ATAD2B: variants seen among roughly 807,000 people sequenced by gnomAD.
The protein encoded by ATAD2B is ATPase family AAA domain-containing protein 2B.
ATAD2B carries 40 observed loss-of-function variants against 167.6 expected under a neutral mutation model. The ratio of observed to expected loss-of-function variants is 0.24; its 90% confidence interval spans 0.19 to 0.31. The LOEUF (loss-of-function observed/expected upper bound fraction) is 0.31. ATAD2B is among the 10% of genes least tolerant of loss of function. The probability of loss-of-function intolerance (pLI) is 1.00; values close to 1 mark genes in which losing one functional copy is unlikely to be tolerated. For synonymous variants in ATAD2B, 579 were observed against 596.5 expected (o/e 0.97, Z 0.43); for missense variants, 1,242 against 1,757.2 (o/e 0.71, Z 5.24).
Position 23,887,818 on chromosome 2 carries a change from C to G in ATAD2B, c.572+14G>C. 1.3e-6 allele frequency: 2 copies of G among 1,562,722 alleles called. No individual in the cohort carries two copies. The highest frequency in any genetic ancestry group is 1.7e-6 in the Non-Finnish European group (2 of 1,159,614). On this transcript the variant is annotated intron_variant, in intron 4 of 27. Coordinates refer to ENST00000238789, the MANE Select transcript of ATAD2B (RefSeq NM_017552.4). ...AATAATTAAATGAAACTGCTTAATACTTGGCATTCATACCTATTTACTAGT... is the reference window on the plus strand; with the variant it reads ...AATAATTAAATGAAACTGCTTAATAGTTGGCATTCATACCTATTTACTAGT...
In ATAD2B at chr2:23,813,255, CAT is replaced by C. The variant is rs574618770; in HGVS notation, c.2268-2755_2268-2754del. ...CATATACAATGAAATAATTTATATG[CAT>C]ATGTTTATAAAAATTATATGAATTA... On this transcript the variant is annotated intron_variant, in intron 17 of 27. Transcript: ENST00000238789. Among the ~76,000 whole-genome samples, 301 of 150,032 alleles carry C rather than the reference CAT, an allele frequency of 2.0e-3. 3 individuals are homozygous for C. The highest frequency in any genetic ancestry group is 6.1e-3 in the African/African-American group (248 of 40,930).
At chr2:23,886,183 C>T (rs962855186) in intron 4 of ATAD2B, among the ~76,000 whole-genome samples, 3 of 152,032 alleles carry the variant, frequency 2.0e-5, no homozygotes, top group South Asian at 2.1e-4. Context: ...TGGGCTCAAG[C>T]GATTCATTCA....
chr2:23,711,645 AC>A, the ATAD2B span, among the ~76,000 whole-genome samples: 1 of 152,088 alleles, frequency 6.6e-6, no homozygotes, highest in Non-Finnish European at 1.5e-5. Context: ...TGCTGGGATT[AC>A]AGGAGTGAGC....
At chr2:23,759,743 T>C (rs1319917594) in intron 24 of ATAD2B, among the ~76,000 whole-genome samples, 2 of 152,196 alleles carry the variant, frequency 1.3e-5, no homozygotes, top group Non-Finnish European at 2.9e-5. Context: ...AGTTACAGGG[T>C]AATTAGCATA....
rs536045603 is a variant in ATAD2B, at chr2:23,863,279, C to T, written c.1479+102G>A. 60 of 1,200,684 alleles carry T rather than the reference C, an allele frequency of 5.0e-5. No individual in the cohort carries two copies. In the African/African-American group the frequency reaches 9.1e-4, roughly 18 times the overall value. 74.4% of individuals were successfully genotyped at this position (1,200,684 alleles called of 1,614,324 possible). A position where few individuals can be genotyped will look rare whatever the true frequency, so the allele number is the denominator to read the frequency against. On this transcript the variant is annotated intron_variant, in intron 12 of 27. Coordinates refer to ENST00000238789, the MANE Select transcript of ATAD2B (RefSeq NM_017552.4). ...AGACGAGATCACGCTATTGCACTCA[C>T]TCCAGCCTGGGTAACAGAGAGAGGC...
intron 22 of ATAD2B, among the ~76,000 whole-genome samples, chr2:23,773,091 G>A (rs1456403143): frequency 6.6e-6 from 1 of 152,118 alleles, no homozygotes; most frequent in Admixed American, 6.5e-5. Context: ...TTCAATCATT[G>A]TTTAGAAGAT....
intron 10 of ATAD2B, among the ~76,000 whole-genome samples, chr2:23,867,309 A>G (rs1695281025): frequency 6.6e-6 from 1 of 152,134 alleles, no homozygotes; most frequent in African/African-American, 2.4e-5. Context: ...CTCAAGTTGT[A>G]CCTTTCTCTT....
intron 13 of ATAD2B, among the ~76,000 whole-genome samples, chr2:23,834,579 T>C (rs982229701): frequency 6.8e-5 from 5 of 73,490 alleles, no homozygotes; most frequent in Non-Finnish European, 1.6e-4. Flanking sequence ...CACCTAAACC[T>C]TGGCAACCAA....
At chr2:23,797,723 T>C (rs1682840629) in intron 19 of ATAD2B, among the ~76,000 whole-genome samples, 1 of 152,154 alleles carries the variant, frequency 6.6e-6, no homozygotes, top group Non-Finnish European at 1.5e-5. Flanking sequence ...ACACATAACC[T>C]GAAGGTAATT....
At chr2:23,883,247 T>C (rs951750777) in intron 6 of ATAD2B, among the ~76,000 whole-genome samples, 63 of 127,596 alleles carry the variant, frequency 4.9e-4, no homozygotes, top group Middle Eastern at 5.6e-3. Context: ...GACAATGTGC[T>C]CCAGCCTGGG....
the ATAD2B span, chr2:23,695,581 C>T: frequency 2.2e-5 from 31 of 1,412,856 alleles, 1 homozygote; most frequent in Middle Eastern, 3.5e-4. The surrounding 1 kb of genome is among the most constrained non-coding windows in gnomAD (Gnocchi z 7.6). Context: ...AGGTGGCTCT[C>T]TCTTGCTAGT....
chr2:23,738,572 C>A, the ATAD2B span, among the ~76,000 whole-genome samples: 1 of 152,216 alleles, frequency 6.6e-6, no homozygotes, highest in African/African-American at 2.4e-5. Flanking sequence ...AAAGGAACAA[C>A]TGGTACCAGC....
rs906665500 is a variant in ATAD2B at position 23,926,814 on chromosome 2, C to G, written c.-44G>C. The G allele has an allele frequency of 4.8e-6, 7 of 1,461,478 alleles. No individual in the cohort carries two copies. Among genetic ancestry groups the G allele is most frequent in the Non-Finnish European group, 5.4e-6 (6 of 1,107,266 alleles). The allele number at this position is 1,461,478 out of a possible 1,614,324, so 90.5% of individuals were successfully genotyped here. On this transcript the variant is annotated 5_prime_UTR_variant, in exon 1 of 28. Coordinates refer to ENST00000238789, the MANE Select transcript of ATAD2B (RefSeq NM_017552.4). ...GAGTCCACGCCGCGCCCGGGAGAGC[C>G]GAGCAAGGCCGGCCCGCCGGCCGGT...
rs541966294 is a variant in ATAD2B, at chr2:23,863,772, G to A, written c.1305-217C>T. 9.9e-5 allele frequency among the ~76,000 whole-genome samples: 15 copies of A among 152,192 alleles called. No individual in the cohort carries two copies. In the East Asian group the frequency reaches 2.5e-3, roughly 25 times the overall value. ...CAAGAAATAAAGTACAGAGTAATTT[G>A]GCAAGATATATAGAAATTTTAAATG... On this transcript the variant is annotated intron_variant, in intron 11 of 27. Coordinates refer to ENST00000238789, the MANE Select transcript of ATAD2B (RefSeq NM_017552.4).
intron 18 of ATAD2B, among the ~76,000 whole-genome samples, chr2:23,803,495 G>A (rs756291256): frequency 2.6e-5 from 4 of 152,206 alleles, no homozygotes; most frequent in Non-Finnish European, 4.4e-5. Context: ...TCCAAATTGA[G>A]TGAATCACAA....
intron 12 of ATAD2B, among the ~76,000 whole-genome samples, chr2:23,859,718 C>T (rs1321552008): frequency 6.6e-6 from 1 of 152,022 alleles, no homozygotes; most frequent in Non-Finnish European, 1.5e-5. Flanking sequence ...GAGGTCGAGA[C>T]AGGCGGATCT....
Position 23,885,028 on chromosome 2 carries a change from T to C in ATAD2B, c.676-155A>G, listed in dbSNP as rs1418293871. ...AATGGAGCTTCCTAAATTCAATAAA[T>C]GTAAGAAATAAAAGGGAAAACACTT... On this transcript the variant is annotated intron_variant, in intron 5 of 27. Coordinates refer to ENST00000238789, the MANE Select transcript of ATAD2B (RefSeq NM_017552.4). Among the ~76,000 whole-genome samples the C allele has an allele frequency of 2.0e-5, 3 of 152,168 alleles. No homozygotes were observed. The East Asian group carries it at 5.8e-4, about 29-fold the overall frequency.
intron 24 of ATAD2B, among the ~76,000 whole-genome samples, chr2:23,760,693 T>TAC (rs1299852530): frequency 1.5e-3 from 110 of 75,626 alleles, no homozygotes; most frequent in African/African-American, 3.8e-3. Flanking sequence ...AATAAATTTA[T>TAC]ATATATACAC....
At chr2:23,761,854 C>A (rs1166575703) in intron 24 of ATAD2B, among the ~76,000 whole-genome samples, 1 of 152,138 alleles carries the variant, frequency 6.6e-6, no homozygotes, top group African/African-American at 2.4e-5. Context: ...CCATTTCCCA[C>A]CCTAAAGAGA....
Sources: allele counts gnomAD v4.1 joint callset (sites outside exome capture counted in the v4.1 genomes callset), GRCh38; gene constraint gnomAD v4.1.1; non-coding constraint Gnocchi (gnomAD v3.1); transcripts MANE v1.5; gene names NCBI Gene and HGNC (gene_info 2026-07-23, HGNC 2026-07-21).